The following TNKS variants were observed in gnomAD, a reference collection of about 807,000 sequenced individuals.
TNKS encodes the protein poly [ADP-ribose] polymerase tankyrase-1.
A neutral mutation model predicts 135.8 loss-of-function variants in TNKS; 72 were observed. The ratio of observed to expected loss-of-function variants is 0.53; its 90% CI spans 0.44 to 0.64. TNKS has a LOEUF of 0.64. TNKS is among the 30% of genes least tolerant of loss of function. The pLI, the probability that TNKS is intolerant of heterozygous loss-of-function variation, is 0.00. For missense variants in TNKS, 1,769 were observed against 1,674.0 expected, an observed-to-expected ratio of 1.06 and a Z score of -0.99; for synonymous variants, 849 against 649.3, an observed-to-expected ratio of 1.31 and a Z score of -4.68.
chr8:9,614,419 G>C (rs944739045), intron 2 of TNKS, among the ~76,000 whole-genome samples: 22 of 152,216 alleles, frequency 1.4e-4, no homozygotes, highest in African/African-American at 4.8e-4. Context: ...GAGATGTACA[G>C]GCTCACCTTC....
chr8:9,733,376 T>A lies in TNKS; in HGVS notation c.2245T>A (p.Trp749Arg). The change falls in exon 15 of 27, where the codon TGG becomes AGG. Residue 749 changes from tryptophan (W) to arginine (R), a missense_variant. Physicochemically the swap from Trp to Arg is moderately radical, Grantham distance 101 (BLOSUM62 -3). Transcript: ENST00000310430. ...HGASVNVADLWKFTPLHEAAA... is the reference protein window; with the variant it reads ...HGASVNVADLRKFTPLHEAAA... The stretch of plus-strand genomic sequence containing the variant: ...GGCTTCTGTCAATGTGGCGGACTTA[T>A]GGAAATTTACCCCTCTCCATGAAGC... The A allele has an allele frequency of 6.2e-7, 1 of 1,613,356 alleles. No individual in the cohort carries two copies. Among genetic ancestry groups the A allele is most frequent in the Non-Finnish European group, 8.5e-7 (1 of 1,179,684 alleles).
chr8:9,721,638 C>A (rs945093890), intron 12 of TNKS, among the ~76,000 whole-genome samples: 6 of 151,830 alleles, frequency 4.0e-5, no homozygotes, highest in Non-Finnish European at 7.4e-5. Flanking sequence ...TTAACTCTAT[C>A]AGGTACAGTG....
chr8:9,587,216 G>GAGAGAGA (rs1363630632), intron 2 of TNKS, among the ~76,000 whole-genome samples: 1 of 151,980 alleles, frequency 6.6e-6, no homozygotes, highest in Non-Finnish European at 1.5e-5. Context: ...AGAAGAGGGA[G>GAGAGAGA]GCAGAGAGAA....
intron 5 of TNKS, among the ~76,000 whole-genome samples, chr8:9,701,607 C>T (rs905060003): frequency 6.6e-6 from 1 of 152,156 alleles, no homozygotes; most frequent in African/African-American, 2.4e-5. Context: ...GAAAAATAGA[C>T]AAAATGTATG....
At position 9,684,557 on chromosome 8, in the gene TNKS, C is replaced by A. The variant is rs187754044; in HGVS notation, c.1107+3757C>A. 3.8e-3 allele frequency among the ~76,000 whole-genome samples: 572 copies of A among 152,124 alleles called. 7 individuals carry two copies. Among genetic ancestry groups the A allele is most frequent in the African/African-American group, 0.013 (545 of 41,524 alleles). On this transcript the variant is annotated intron_variant, in intron 5 of 26. Coordinates refer to ENST00000310430, the MANE Select transcript of TNKS (RefSeq NM_003747.3). ...ATAGGCAATAGGTAGGGGTTAGGGACTATTGCACATATTTCCAAATAGAAA... is the reference window on the plus strand; with the variant it reads ...ATAGGCAATAGGTAGGGGTTAGGGAATATTGCACATATTTCCAAATAGAAA...
rs368024724 is a variant in TNKS, at chr8:9,776,639, G to C, written c.3898-11G>C. On this transcript the variant is annotated splice_polypyrimidine_tract_variant and intron_variant, in intron 26 of 26. Coordinates refer to ENST00000310430, the MANE Select transcript of TNKS (RefSeq NM_003747.3). Reference sequence around the variant, plus strand: ...AGAAGGGTGATTTGTTTTTCTTCTTGTCCTTCCCAGGCATACCCAGAGTAT... The same window carrying C: ...AGAAGGGTGATTTGTTTTTCTTCTTCTCCTTCCCAGGCATACCCAGAGTAT... The C allele has an allele frequency of 4.0e-5, 65 of 1,613,256 alleles. No individual in the cohort carries two copies. The highest frequency in any genetic ancestry group is 4.7e-5 in the Non-Finnish European group (55 of 1,179,476).
At chr8:9,613,963 C>G (rs764454003) in intron 2 of TNKS, among the ~76,000 whole-genome samples, 1 of 152,180 alleles carries the variant, frequency 6.6e-6, no homozygotes, top group Non-Finnish European at 1.5e-5. Flanking sequence ...TTCTGCAGTT[C>G]CTGAAGTATG....
intron 3 of TNKS, among the ~76,000 whole-genome samples, chr8:9,652,299 A>G (rs1252851851): frequency 6.6e-6 from 1 of 152,198 alleles, no homozygotes; most frequent in Non-Finnish European, 1.5e-5. Context: ...ATAAGGTTCT[A>G]TCTTTTTTGG....
intron 3 of TNKS, among the ~76,000 whole-genome samples, chr8:9,662,521 G>C (rs957822851): frequency 4.6e-5 from 7 of 152,046 alleles, no homozygotes; most frequent in African/African-American, 1.4e-4. Context: ...CGTATGTTCT[G>C]ACTCATAGGT....
chr8:9,615,565 C>T lies in TNKS; in HGVS notation c.899-17C>T, dbSNP rs745925668. ...GTATCCCCGAGGTAAGATACTGTTT[C>T]TGCTTTCCCTGCACAGTGCTGCTGC... On this transcript the variant is annotated splice_polypyrimidine_tract_variant and intron_variant, in intron 2 of 26. Transcript: ENST00000310430. 1 of 1,605,098 alleles carries T rather than the reference C, an allele frequency of 6.2e-7. No individual in the cohort carries two copies. Among genetic ancestry groups the T allele is most frequent in the South Asian group, 1.1e-5 (1 of 89,556 alleles).
At chr8:9,676,914 G>C (rs1802565839) in intron 3 of TNKS, among the ~76,000 whole-genome samples, 1 of 151,970 alleles carries the variant, frequency 6.6e-6, no homozygotes, top group Admixed American at 6.6e-5. Flanking sequence ...TTTCCTTTCT[G>C]GCTGATCTAT....
At chr8:9,578,026 C>G (rs1249631223) in intron 1 of TNKS, among the ~76,000 whole-genome samples, 1 of 152,210 alleles carries the variant, frequency 6.6e-6, no homozygotes, top group African/African-American at 2.4e-5. Flanking sequence ...GTTGTTCAAT[C>G]TTAAAGTTCC....
At chr8:9,586,074 A>G (rs1483388695) in intron 2 of TNKS, among the ~76,000 whole-genome samples, 2 of 152,166 alleles carry the variant, frequency 1.3e-5, no homozygotes, top group Non-Finnish European at 2.9e-5. Context: ...ATATATAATA[A>G]TTAGAAAGTA....
At chr8:9,707,608 A>AATAT (rs1290033190) in intron 8 of TNKS, among the ~76,000 whole-genome samples, 2 of 152,234 alleles carry the variant, frequency 1.3e-5, no homozygotes, top group Non-Finnish European at 2.9e-5. Flanking sequence ...ATATATTACC[A>AATAT]ATATATACAT....
At chr8:9,610,096 A>G in intron 2 of TNKS, among the ~76,000 whole-genome samples, 1 of 152,058 alleles carries the variant, frequency 6.6e-6, no homozygotes. Context: ...TGACTTCGTG[A>G]TATGCTCACC....
intron 12 of TNKS, among the ~76,000 whole-genome samples, chr8:9,725,285 G>T (rs1222579731): frequency 6.6e-6 from 1 of 152,174 alleles, no homozygotes; most frequent in Non-Finnish European, 1.5e-5. Flanking sequence ...GGAATATAAA[G>T]ATGAGCAAGA....
At position 9,667,193 on chromosome 8, in the gene TNKS, T is replaced by A. The variant is rs923791600; in HGVS notation, c.995-12758T>A. 3.3e-5 allele frequency among the ~76,000 whole-genome samples: 5 copies of A among 152,242 alleles called. No homozygotes were observed. In the East Asian group the frequency reaches 9.6e-4, roughly 29 times the overall value. ...CTTCTTAATATTTGTATTATTTTTA[T>A]GTGAAGTATTTATATTGAAATAATT... is the stretch of plus-strand genomic sequence containing the variant. On this transcript the variant is annotated intron_variant, in intron 3 of 26. Coordinates refer to ENST00000310430, the MANE Select transcript of TNKS (RefSeq NM_003747.3).
At chr8:9,774,753 G>A (rs778394536) in intron 26 of TNKS, among the ~76,000 whole-genome samples, 1 of 152,152 alleles carries the variant, frequency 6.6e-6, no homozygotes, top group Non-Finnish European at 1.5e-5. Flanking sequence ...GAATCCACCT[G>A]ACTAAGATGG....
At chr8:9,604,860 A>G (rs1563110761) in intron 2 of TNKS, among the ~76,000 whole-genome samples, 1 of 150,416 alleles carries the variant, frequency 6.6e-6, no homozygotes, top group Non-Finnish European at 1.5e-5. Context: ...TATCCATCCT[A>G]CTCTCTTTTT....
Sources: gnomAD v4.1 joint callset for allele counts (sites outside exome capture counted in the v4.1 genomes callset) on GRCh38, gnomAD v4.1.1 for gene constraint, MANE v1.5 for transcripts, NCBI Gene and HGNC (gene_info 2026-07-23, HGNC 2026-07-21) for gene names.